The following SLC44A5 variants were observed in gnomAD, a reference collection of about 807,000 sequenced individuals.
SLC44A5 encodes the protein choline transporter-like protein 5.
In SLC44A5, 57 loss-of-function variants were observed where a neutral mutation model predicts 101.8. The ratio of observed to expected loss-of-function variants is 0.56; its 90% CI spans 0.45 to 0.70. The LOEUF is 0.70. SLC44A5 is among the 30% of genes least tolerant of loss of function. The pLI is 0.00. For synonymous variants in SLC44A5, 281 were observed against 290.9 expected (o/e 0.97, Z 0.35); for missense variants, 737 against 853.1 (o/e 0.86, Z 1.70).
At chr1:75,479,839 T>C (rs1039883167) in intron 2 of SLC44A5, among the ~76,000 whole-genome samples, 56 of 152,282 alleles carry the variant, frequency 3.7e-4, no homozygotes, top group Non-Finnish European at 6.8e-4. Context: ...GGAACTGGTA[T>C]CATTCCTTCT....
chr1:75,689,516 C>T, the SLC44A5 span, among the ~76,000 whole-genome samples: 2 of 152,162 alleles, frequency 1.3e-5, no homozygotes, highest in Non-Finnish European at 2.9e-5. Flanking sequence ...ATTACTAAGC[C>T]ATTGTACGAG....
chr1:75,332,693 T>G (rs186146475), intron 4 of SLC44A5, among the ~76,000 whole-genome samples: 9 of 152,314 alleles, frequency 5.9e-5, no homozygotes, highest in African/African-American at 2.2e-4. Flanking sequence ...AAGGGGTTCA[T>G]TCATATAAAG....
intron 1 of SLC44A5, among the ~76,000 whole-genome samples, chr1:75,554,236 A>G (rs1370669784): frequency 6.6e-6 from 1 of 152,032 alleles, no homozygotes; most frequent in Non-Finnish European, 1.5e-5. Flanking sequence ...CAGTGCTTTG[A>G]GAGGCCAAGG....
At position 75,437,672 on chromosome 1, in the gene SLC44A5, G is replaced by A. The variant is rs149062965; in HGVS notation, c.14-41051C>T. 4.1e-3 allele frequency among the ~76,000 whole-genome samples: 617 copies of A among 152,182 alleles called. 6 individuals carry two copies. The highest frequency in any genetic ancestry group is 0.014 in the African/African-American group (568 of 41,540). Reference sequence around the variant, plus strand: ...AGAAGGGCCTATGGGGCATCACAGCGATGATAAAGCAGGATGGTACAAAAA... The same window carrying A: ...AGAAGGGCCTATGGGGCATCACAGCAATGATAAAGCAGGATGGTACAAAAA... On this transcript the variant is annotated intron_variant, in intron 2 of 23. Coordinates refer to ENST00000370859, the MANE Select transcript of SLC44A5 (RefSeq NM_001130058.2).
chr1:75,349,006 A>T (rs1399090926), intron 3 of SLC44A5, among the ~76,000 whole-genome samples: 1 of 152,212 alleles, frequency 6.6e-6, no homozygotes, highest in Non-Finnish European at 1.5e-5. Flanking sequence ...AAGTCAACAT[A>T]AATTATTTAG....
intron 6 of SLC44A5, among the ~76,000 whole-genome samples, chr1:75,260,325 G>A (rs1455818294): frequency 6.6e-6 from 1 of 152,116 alleles, no homozygotes; most frequent in Non-Finnish European, 1.5e-5. Context: ...TAAAGGGATG[G>A]AGGAATATTT....
At chr1:75,508,691 A>C (rs1414390946) in intron 2 of SLC44A5, among the ~76,000 whole-genome samples, 1 of 152,202 alleles carries the variant, frequency 6.6e-6, no homozygotes, top group African/African-American at 2.4e-5. Context: ...ACAGAAATAC[A>C]AAAGATTCTC....
At chr1:75,559,689 A>T (rs186299753) in intron 1 of SLC44A5, among the ~76,000 whole-genome samples, 7 of 152,270 alleles carry the variant, frequency 4.6e-5, no homozygotes, top group African/African-American at 1.7e-4. Flanking sequence ...TATAACTTGG[A>T]CTTCACTAAA....
chr1:75,683,716 C>A, the SLC44A5 span, among the ~76,000 whole-genome samples: 1 of 151,698 alleles, frequency 6.6e-6, no homozygotes, highest in African/African-American at 2.4e-5. Flanking sequence ...TGTAACTAAC[C>A]TGCACAATGT....
At chr1:75,479,055 C>T (rs1241909989) in intron 2 of SLC44A5, among the ~76,000 whole-genome samples, 1 of 152,220 alleles carries the variant, frequency 6.6e-6, no homozygotes, top group African/African-American at 2.4e-5. Flanking sequence ...AACTATCTCT[C>T]AGACCACAGT....
intron 2 of SLC44A5, among the ~76,000 whole-genome samples, chr1:75,508,584 T>A (rs572456697): frequency 3.3e-4 from 50 of 151,980 alleles, no homozygotes; most frequent in African/African-American, 1.1e-3. Flanking sequence ...AGGATAAACA[T>A]GTTTGATAGA....
chr1:75,513,566 C>T (rs956941957), intron 2 of SLC44A5, among the ~76,000 whole-genome samples: 3 of 152,054 alleles, frequency 2.0e-5, no homozygotes, highest in African/African-American at 4.8e-5. Flanking sequence ...AAGATACAAA[C>T]AAAAATATGT....
chr1:75,209,358 C>T (rs1646809102), intron 23 of SLC44A5, among the ~76,000 whole-genome samples: 1 of 152,160 alleles, frequency 6.6e-6, no homozygotes, highest in Non-Finnish European at 1.5e-5. Flanking sequence ...ATAGTGATTT[C>T]CAGTTATTGC....
At chr1:75,327,538 C>G (rs1557666777) in intron 4 of SLC44A5, among the ~76,000 whole-genome samples, 2 of 152,122 alleles carry the variant, frequency 1.3e-5, no homozygotes, top group Non-Finnish European at 2.9e-5. Context: ...TGGGTAAGCT[C>G]ATACCAAGTA....
At chr1:75,361,124 A>G (rs895726177) in intron 3 of SLC44A5, among the ~76,000 whole-genome samples, 1 of 152,208 alleles carries the variant, frequency 6.6e-6, no homozygotes, top group East Asian at 1.9e-4. Context: ...ATTTGTGTAT[A>G]GAGGTGCTAA....
chr1:75,652,612 T>C, the SLC44A5 span, among the ~76,000 whole-genome samples: 1 of 152,142 alleles, frequency 6.6e-6, no homozygotes, highest in Non-Finnish European at 1.5e-5. Context: ...CTGGGCAGCA[T>C]AGCAAGACCC....
intron 4 of SLC44A5, among the ~76,000 whole-genome samples, chr1:75,336,151 G>A (rs765118086): frequency 1.3e-5 from 2 of 151,870 alleles, no homozygotes; most frequent in Non-Finnish European, 1.5e-5. Context: ...TAAAATGTAT[G>A]GTTATTATTA....
At chr1:75,665,959 CA>C in the SLC44A5 span, among the ~76,000 whole-genome samples, 1 of 151,486 alleles carries the variant, frequency 6.6e-6, no homozygotes, top group African/African-American at 2.4e-5. Flanking sequence ...ATTAAAATGT[CA>C]AAAAAACAAG....
chr1:75,469,473 A>C (rs74898896), intron 2 of SLC44A5, among the ~76,000 whole-genome samples: 1 of 151,632 alleles, frequency 6.6e-6, no homozygotes, highest in South Asian at 2.1e-4. Flanking sequence ...GAAAAAAAAA[A>C]GTGTAGTGAA....
Sources: allele counts gnomAD v4.1 joint callset (sites outside exome capture counted in the v4.1 genomes callset), GRCh38; gene constraint gnomAD v4.1.1; transcripts MANE v1.5; gene names NCBI Gene and HGNC (gene_info 2026-07-23, HGNC 2026-07-21).